The following CCDC88A variants were observed in gnomAD, a reference collection of about 807,000 sequenced individuals.
CCDC88A encodes the protein coiled-coil and HOOK domain protein 88A.
In CCDC88A, 54 loss-of-function variants were observed where a neutral mutation model predicts 234.3. The observed-to-expected ratio is 0.23, with a 90% CI of 0.19 to 0.29. The LOEUF is 0.29. Among genes scored for constraint, CCDC88A ranks in the 10% least tolerant of loss-of-function variants. The pLI is 1.00. For missense variants in CCDC88A, 1,832 were observed against 2,123.4 expected, an observed-to-expected ratio of 0.86 and a Z score of 2.70; for synonymous variants, 753 against 737.8, an observed-to-expected ratio of 1.02 and a Z score of -0.33.
chr2:55,407,565 A>G (rs879549883), intron 2 of CCDC88A, among the ~76,000 whole-genome samples: 61 of 151,910 alleles, frequency 4.0e-4, no homozygotes, highest in Admixed American at 3.7e-3. Flanking sequence ...AGATCGCATC[A>G]CTGCACTCCA....
chr2:55,414,992 G>A (rs1049368744), intron 2 of CCDC88A, among the ~76,000 whole-genome samples: 3 of 151,624 alleles, frequency 2.0e-5, no homozygotes, highest in African/African-American at 7.3e-5. Flanking sequence ...GCGTGAACCC[G>A]GGAGGTAGAG....
At chr2:55,381,007 T>C (rs896931121) in intron 3 of CCDC88A, among the ~76,000 whole-genome samples, 4 of 152,212 alleles carry the variant, frequency 2.6e-5, no homozygotes, top group Non-Finnish European at 4.4e-5. Flanking sequence ...CAATAAACCA[T>C]ATATATGATG....
intron 2 of CCDC88A, chr2:55,404,628 C>A (rs949870174): frequency 1.3e-5 from 2 of 152,146 alleles, no homozygotes; most frequent in African/African-American, 4.8e-5. Flanking sequence ...GATACACATA[C>A]AGAAAGGTAA....
At chr2:55,389,389 CAAT>C in intron 2 of CCDC88A, among the ~76,000 whole-genome samples, 1 of 152,026 alleles carries the variant, frequency 6.6e-6, no homozygotes, top group East Asian at 1.9e-4. Context: ...GCAAAGGGCT[CAAT>C]AATCCTGAGG....
In CCDC88A at chr2:55,335,132, C is replaced by G. The variant is rs1685323578; in HGVS notation, c.1689G>C (p.Leu563=). ...IKILEQENEH[L]NQTVSSLRQR... is the part of the protein sequence containing the mutation. ...GCCTTAAGGAAGACACTGTTTGATTCAGATGTTCATTTTCCTGTTCCAGTA... is the reference window on the plus strand; with the variant it reads ...GCCTTAAGGAAGACACTGTTTGATTGAGATGTTCATTTTCCTGTTCCAGTA... The change falls in exon 15 of 33, where the codon CTG becomes CTC. Residue 563 remains leucine, a synonymous_variant. Coordinates refer to ENST00000436346, the MANE Select transcript of CCDC88A (RefSeq NM_001365480.1). This position sits in a 1 kb window ranked among gnomAD's most constrained non-coding sequence, Gnocchi z 4.5. The G allele has an allele frequency of 6.4e-7, 1 of 1,550,936 alleles. No individual in the cohort carries two copies. The highest frequency in any genetic ancestry group is 1.4e-5 in the African/African-American group (1 of 72,020).
intron 5 of CCDC88A, among the ~76,000 whole-genome samples, chr2:55,364,846 T>C (rs957315793): frequency 2.0e-5 from 3 of 152,166 alleles, no homozygotes; most frequent in African/African-American, 7.2e-5. Flanking sequence ...CAACTGCTAG[T>C]ATCACTGTAT....
At chr2:55,355,421 TTAACAATA>T in intron 8 of CCDC88A, 150 bp downstream of exon 8, 2 of 635,088 alleles carry the variant, frequency 3.1e-6, no homozygotes, top group South Asian at 3.9e-5. Context: ...CTGTTAAGAT[TTAACAATA>T]GGAAAACCTT....
intron 12 of CCDC88A, among the ~76,000 whole-genome samples, chr2:55,341,302 G>A (rs552282656): frequency 1.3e-5 from 2 of 151,336 alleles, no homozygotes; most frequent in African/African-American, 2.4e-5. Context: ...GCGCCACCAC[G>A]CTCAGCAAAT....
chr2:55,417,648 T>G (rs1253615378), intron 2 of CCDC88A: 1 of 151,940 alleles, frequency 6.6e-6, no homozygotes, highest in Non-Finnish European at 1.5e-5. Flanking sequence ...TATAATAGTA[T>G]AATACTTCCC....
At chr2:55,369,885 C>T (rs775529364) in intron 5 of CCDC88A, among the ~76,000 whole-genome samples, 3 of 152,128 alleles carry the variant, frequency 2.0e-5, no homozygotes, top group Admixed American at 6.5e-5. Flanking sequence ...ACCTCAAACT[C>T]GTACTGTTTA....
chr2:55,359,600 A>AAT (rs962126128), intron 7 of CCDC88A, among the ~76,000 whole-genome samples: 1 of 150,632 alleles, frequency 6.6e-6, no homozygotes, highest in African/African-American at 2.4e-5. Flanking sequence ...TATATATAAG[A>AAT]ATATATATAG....
intron 2 of CCDC88A, among the ~76,000 whole-genome samples, chr2:55,413,876 C>G (rs1031493248): frequency 6.6e-6 from 1 of 151,748 alleles, no homozygotes. Context: ...AGCTTGAGCC[C>G]GGGAGGTGAA....
intron 5 of CCDC88A, among the ~76,000 whole-genome samples, chr2:55,369,317 G>A (rs1179145262): frequency 6.6e-6 from 1 of 152,098 alleles, no homozygotes; most frequent in Non-Finnish European, 1.5e-5. Flanking sequence ...ACAGGTGTGA[G>A]CCACCATGTC....
intron 16 of CCDC88A, chr2:55,329,280 T>C (rs942428766): frequency 6.6e-6 from 1 of 152,228 alleles, no homozygotes; most frequent in African/African-American, 2.4e-5. Context: ...CAGTGTATCA[T>C]AAACCACTAT....
intron 12 of CCDC88A, among the ~76,000 whole-genome samples, chr2:55,342,609 T>G (rs540016430): frequency 6.6e-6 from 1 of 152,166 alleles, no homozygotes; most frequent in Non-Finnish European, 1.5e-5. Context: ...TTTTAAAGTT[T>G]CACAAATATC....
intron 2 of CCDC88A, among the ~76,000 whole-genome samples, chr2:55,390,898 G>C (rs1676531999): frequency 6.6e-6 from 1 of 152,074 alleles, no homozygotes. Context: ...CCAGGACTTT[G>C]GGAAGCTAAA....
At chr2:55,356,938 T>C (rs1670660130) in intron 7 of CCDC88A, 1 of 152,178 alleles carries the variant, frequency 6.6e-6, no homozygotes, top group Admixed American at 6.6e-5. Context: ...ATTCAGTTCC[T>C]TAGTCACACT....
chr2:55,399,901 A>G (rs977890358), intron 2 of CCDC88A: 9 of 152,132 alleles, frequency 5.9e-5, no homozygotes, highest in Non-Finnish European at 5.9e-5. Flanking sequence ...CAGAAAAAAC[A>G]CTCATTCCTG....
chr2:55,293,464 T>A (rs1679668646), intron 31 of CCDC88A: 1 of 152,288 alleles, frequency 6.6e-6, no homozygotes, highest in South Asian at 2.1e-4. Flanking sequence ...ATCCTCTGAT[T>A]GTGTTCATTT....
Sources: gnomAD v4.1 joint callset for allele counts (sites outside exome capture counted in the v4.1 genomes callset) on GRCh38, gnomAD v4.1.1 for gene constraint, Gnocchi (gnomAD v3.1) non-coding constraint, MANE v1.5 for transcripts, NCBI Gene and HGNC (gene_info 2026-07-23, HGNC 2026-07-21) for gene names.